The following PDZRN4 variants were observed in gnomAD, a reference collection of about 807,000 sequenced individuals.
PDZRN4 encodes the protein PDZ domain-containing RING finger protein 4.
In PDZRN4, 70 loss-of-function variants were observed where a neutral mutation model predicts 99.0. That is an observed-to-expected ratio of 0.71 (90% confidence interval 0.58 to 0.86). The LOEUF is 0.86. Ranked by LOEUF, PDZRN4 falls within the 40% of genes least tolerant of loss-of-function variation. The pLI is 0.00. For missense variants in PDZRN4, 1,474 were observed against 1,331.2 expected (o/e 1.11, Z -1.67); for synonymous variants, 551 against 501.6 (o/e 1.10, Z -1.32).
intron 3 of PDZRN4, among the ~76,000 whole-genome samples, chr12:41,381,135 T>A (rs1419218201): frequency 1.3e-5 from 2 of 152,216 alleles, no homozygotes; most frequent in Non-Finnish European, 2.9e-5. Context: ...TCTTGTGCTT[T>A]CAAAGTTCTC....
At chr12:41,290,884 A>G (rs1951452857) in intron 3 of PDZRN4, among the ~76,000 whole-genome samples, 1 of 152,084 alleles carries the variant, frequency 6.6e-6, no homozygotes, top group African/African-American at 2.4e-5. Context: ...TTCTATGTCT[A>G]AGTAATTTGA....
At chr12:41,192,126 G>A (rs76578782) in intron 2 of PDZRN4, among the ~76,000 whole-genome samples, 3,135 of 151,972 alleles carry the variant, frequency 0.021, 49 homozygotes, top group South Asian at 0.031. Flanking sequence ...TTCTTTTTGA[G>A]TTGGAGTATC....
intron 7 of PDZRN4, among the ~76,000 whole-genome samples, chr12:41,560,032 G>A (rs1939242488): frequency 6.6e-6 from 1 of 151,974 alleles, no homozygotes; most frequent in Non-Finnish European, 1.5e-5. Context: ...CCCAGTCTCA[G>A]GTATTTCTTT....
intron 5 of PDZRN4, among the ~76,000 whole-genome samples, chr12:41,518,016 A>G (rs557592139): frequency 1.3e-5 from 2 of 152,242 alleles, no homozygotes; most frequent in South Asian, 4.1e-4. Flanking sequence ...TACATATAAT[A>G]CATATTTGTT....
intron 3 of PDZRN4, among the ~76,000 whole-genome samples, chr12:41,433,216 A>G (rs1952599739): frequency 6.6e-6 from 1 of 152,172 alleles, no homozygotes; most frequent in Non-Finnish European, 1.5e-5. Flanking sequence ...CAGCACTTTC[A>G]GATGCTTTCC....
At chr12:41,508,227 G>T (rs1380354325) in intron 4 of PDZRN4, among the ~76,000 whole-genome samples, 1 of 152,042 alleles carries the variant, frequency 6.6e-6, no homozygotes, top group African/African-American at 2.4e-5. Flanking sequence ...GGCCTAAGAG[G>T]TCTGACCCCA....
chr12:41,369,833 A>T (rs994786453), intron 3 of PDZRN4, among the ~76,000 whole-genome samples: 2 of 151,902 alleles, frequency 1.3e-5, no homozygotes, highest in Non-Finnish European at 1.5e-5. Flanking sequence ...GCCCTGTTCT[A>T]GCTTCCATTT....
At chr12:41,353,026 A>G (rs1161810583) in intron 3 of PDZRN4, among the ~76,000 whole-genome samples, 1 of 152,102 alleles carries the variant, frequency 6.6e-6, no homozygotes, top group East Asian at 1.9e-4. Context: ...GCAAATCCTT[A>G]GGTTGGGTAG....
intron 3 of PDZRN4, among the ~76,000 whole-genome samples, chr12:41,356,741 A>G (rs1185918598): frequency 6.6e-6 from 1 of 151,980 alleles, no homozygotes; most frequent in Non-Finnish European, 1.5e-5. Context: ...ACCTTTTAGA[A>G]CTGATTTCAT....
chr12:41,561,645 C>A (rs1048701213), intron 7 of PDZRN4, among the ~76,000 whole-genome samples: 1 of 147,360 alleles, frequency 6.8e-6, no homozygotes, highest in South Asian at 2.1e-4. Context: ...AAGTGGAGAC[C>A]AGGAATAAAA....
At chr12:41,455,942 A>T (rs1254387467) in intron 3 of PDZRN4, among the ~76,000 whole-genome samples, 3 of 152,136 alleles carry the variant, frequency 2.0e-5, no homozygotes, top group African/African-American at 7.2e-5. Flanking sequence ...TGTCCCCTCA[A>T]CCACCACATA....
At chr12:41,561,274 C>T (rs1028436416) in intron 7 of PDZRN4, among the ~76,000 whole-genome samples, 9 of 152,134 alleles carry the variant, frequency 5.9e-5, no homozygotes, top group Non-Finnish European at 7.4e-5. Flanking sequence ...TTATTTAGCA[C>T]GAAAGAGTCT....
At chr12:41,244,604 G>T (rs1028076809) in intron 3 of PDZRN4, among the ~76,000 whole-genome samples, 4 of 150,482 alleles carry the variant, frequency 2.7e-5, no homozygotes, top group Admixed American at 6.6e-5. Context: ...GCAGACTCCC[G>T]CCTCAGAGTG....
intron 3 of PDZRN4, among the ~76,000 whole-genome samples, chr12:41,238,558 G>A (rs1159544882): frequency 2.0e-5 from 3 of 151,780 alleles, no homozygotes; most frequent in African/African-American, 7.3e-5. Flanking sequence ...TTAAAAAGTG[G>A]GCAAAGAACA....
At chr12:41,335,853 T>C (rs1485313359) in intron 3 of PDZRN4, among the ~76,000 whole-genome samples, 1 of 152,158 alleles carries the variant, frequency 6.6e-6, no homozygotes, top group Non-Finnish European at 1.5e-5. Context: ...TTTAATTTTG[T>C]GTCATATTTT....
At chr12:41,539,819 C>T (rs111803349) in intron 5 of PDZRN4, among the ~76,000 whole-genome samples, 79 of 152,270 alleles carry the variant, frequency 5.2e-4, no homozygotes, top group African/African-American at 1.8e-3. Context: ...AACATAGACA[C>T]GGGCATCTCC....
chr12:41,274,309 C>T (rs530745526), intron 3 of PDZRN4, among the ~76,000 whole-genome samples: 1 of 152,022 alleles, frequency 6.6e-6, no homozygotes, highest in South Asian at 2.1e-4. Context: ...TCTTTCATAC[C>T]AAGCATTATT....
intron 3 of PDZRN4, among the ~76,000 whole-genome samples, chr12:41,482,662 C>T (rs1937694586): frequency 6.6e-6 from 1 of 152,068 alleles, no homozygotes; most frequent in Non-Finnish European, 1.5e-5. Context: ...AATAAGAGAG[C>T]TGAGATTTAA....
At chr12:41,430,984 C>T (rs1017926628) in intron 3 of PDZRN4, among the ~76,000 whole-genome samples, 1 of 152,140 alleles carries the variant, frequency 6.6e-6, no homozygotes, top group Non-Finnish European at 1.5e-5. Context: ...GACTTTTAAA[C>T]AACCAGATCT....
Sources: allele counts gnomAD v4.1 joint callset (sites outside exome capture counted in the v4.1 genomes callset), GRCh38; gene constraint gnomAD v4.1.1; transcripts MANE v1.5; gene names NCBI Gene and HGNC (gene_info 2026-07-23, HGNC 2026-07-21).